FBN1: variants seen among roughly 807,000 people sequenced by gnomAD.
FBN1 encodes the protein fibrillin-1.
A neutral mutation model predicts 365.1 loss-of-function variants in FBN1; 29 were observed. The ratio of observed to expected loss-of-function variants is 0.08; its 90% confidence interval spans 0.06 to 0.11. FBN1 has a LOEUF of 0.11. FBN1 is among the 10% of genes least tolerant of loss of function. The pLI is 1.00. For synonymous variants in FBN1, 1,210 were observed against 1,270.5 expected, an observed-to-expected ratio of 0.95 and a Z score of 1.01; for missense variants, 2,476 against 3,703.2, an observed-to-expected ratio of 0.67 and a Z score of 8.60.
chr15:48,417,158 G>A (rs1360854944), intron 63 of FBN1, among the ~76,000 whole-genome samples: 3 of 151,542 alleles, frequency 2.0e-5, no homozygotes, highest in African/African-American at 7.3e-5. Context: ...TTAAGCTGGT[G>A]CTTCCTTTCT....
intron 17 of FBN1, 115 bp downstream of exon 17, chr15:48,503,672 C>G: frequency 7.3e-7 from 1 of 1,371,382 alleles, no homozygotes; most frequent in Admixed American, 1.8e-5. Flanking sequence ...CCCAAGAAGG[C>G]ACATGGCGTA....
chr15:48,498,411 C>A (rs1340180178), intron 18 of FBN1, among the ~76,000 whole-genome samples: 4 of 152,134 alleles, frequency 2.6e-5, no homozygotes, highest in Non-Finnish European at 5.9e-5. Flanking sequence ...ATAAAATAAT[C>A]CCTTCCTCTT....
At chr15:48,453,290 C>CAAAAAAAAAAAAAA (rs748356141) in intron 44 of FBN1, among the ~76,000 whole-genome samples, 3 of 32,892 alleles carry the variant, frequency 9.1e-5, no homozygotes, top group Non-Finnish European at 1.5e-4. Flanking sequence ...AAAAATAAAA[C>CAAAAAAAAAAAAAA]AAACAAAAAA....
At chr15:48,494,356 G>T in intron 22 of FBN1, 102 bp from the exon 23 acceptor site, 1 of 861,126 alleles carries the variant, frequency 1.2e-6, no homozygotes, top group Non-Finnish European at 2.0e-6. Context: ...AGATGACCTG[G>T]AACATGAAGT....
At chr15:48,589,377 T>C (rs996127129) in intron 6 of FBN1, among the ~76,000 whole-genome samples, 8 of 152,130 alleles carry the variant, frequency 5.3e-5, no homozygotes, top group Admixed American at 6.5e-5. Context: ...TGCTTGTTCA[T>C]ACCACATATG....
At chr15:48,533,524 A>G (rs925368541) in intron 8 of FBN1, among the ~76,000 whole-genome samples, 1 of 152,232 alleles carries the variant, frequency 6.6e-6, no homozygotes, top group Non-Finnish European at 1.5e-5. Flanking sequence ...CTAAATGTAA[A>G]TATAAAAATT....
intron 2 of FBN1, among the ~76,000 whole-genome samples, chr15:48,617,508 A>G (rs894137229): frequency 6.6e-6 from 1 of 152,204 alleles, no homozygotes; most frequent in African/African-American, 2.4e-5. Context: ...CCAATAGTTT[A>G]TAGGGGAAAG....
intron 8 of FBN1, among the ~76,000 whole-genome samples, chr15:48,527,998 C>T (rs2043929850): frequency 6.6e-6 from 1 of 152,172 alleles, no homozygotes; most frequent in Non-Finnish European, 1.5e-5. Context: ...TGTCAAAGAG[C>T]CTACAGGATT....
Position 48,559,342 on chromosome 15 carries a change from G to C in FBN1, c.539-21534C>G, listed in dbSNP as rs146277865. Among the ~76,000 whole-genome samples the C allele has an allele frequency of 1.9e-4, 29 of 152,260 alleles. No homozygotes were observed. The East Asian group carries it at 5.6e-3, about 29-fold the overall frequency. On this transcript the variant is annotated intron_variant, in intron 6 of 65. Transcript: ENST00000316623. Reference sequence around the variant, plus strand: ...GCTTGATCCAATCCTCAAGGCTCCAGGCACTTTCAGCATCAGCAGAGAGCT... The same window carrying C: ...GCTTGATCCAATCCTCAAGGCTCCACGCACTTTCAGCATCAGCAGAGAGCT...
chr15:48,621,727 G>A lies in FBN1; in HGVS notation c.165-8635C>T, dbSNP rs7179503. On this transcript the variant is annotated intron_variant, in intron 2 of 65. Coordinates refer to ENST00000316623, the MANE Select transcript of FBN1 (RefSeq NM_000138.5). ...TCATTGGTTGGGCACGATGGCTCACGCCTGTAATCCCAGTACTTTCGGAGG... is the reference window on the plus strand; with the variant it reads ...TCATTGGTTGGGCACGATGGCTCACACCTGTAATCCCAGTACTTTCGGAGG... Among the ~76,000 whole-genome samples the A allele has an allele frequency of 6.5e-3, 994 of 152,148 alleles. 15 individuals are homozygous for A. Among genetic ancestry groups the A allele is most frequent in the African/African-American group, 0.023 (951 of 41,504 alleles).
intron 43 of FBN1, among the ~76,000 whole-genome samples, chr15:48,459,727 T>C (rs2043266753): frequency 6.6e-6 from 1 of 152,250 alleles, no homozygotes; most frequent in Non-Finnish European, 1.5e-5. Context: ...TTGTGTTCTC[T>C]GCTTCATTTA....
chr15:48,533,999 T>A (rs1287216738), intron 8 of FBN1, 81 bp downstream of exon 8: 2 of 1,576,570 alleles, frequency 1.3e-6, no homozygotes, highest in East Asian at 2.3e-5. Context: ...TTAGGAATAA[T>A]TTGCAAACAA....
chr15:48,464,172 T>A, intron 40 of FBN1, 151 bp from the exon 41 acceptor site: 2 of 757,370 alleles, frequency 2.6e-6, no homozygotes, highest in South Asian at 3.2e-5. Context: ...ATCCGTGTCC[T>A]CTCTCTGTGT....
intron 6 of FBN1, among the ~76,000 whole-genome samples, chr15:48,550,143 A>G (rs1049873955): frequency 6.6e-6 from 1 of 152,228 alleles, no homozygotes; most frequent in Non-Finnish European, 1.5e-5. Context: ...AGTTAGACAC[A>G]TCACTCTCTG....
intron 6 of FBN1, among the ~76,000 whole-genome samples, chr15:48,567,998 TAAGAAAGAAAGAAAGAAAGAAAGAAAGA>T (rs55984910): frequency 1.8e-5 from 1 of 56,534 alleles, no homozygotes; most frequent in Non-Finnish European, 3.0e-5. Flanking sequence ...AGTATACAGA[TAAGAAAGAAAGAAAGAAAGAAAGAAAGA>T]AAGAAAGAAA....
intron 5 of FBN1, among the ~76,000 whole-genome samples, chr15:48,598,909 G>A (rs1025963473): frequency 1.4e-4 from 21 of 152,186 alleles, no homozygotes; most frequent in Admixed American, 9.2e-4. Flanking sequence ...TTCCCATGCT[G>A]TTCCCATAAC....
chr15:48,564,133 G>A (rs2044243280), intron 6 of FBN1, among the ~76,000 whole-genome samples: 1 of 152,132 alleles, frequency 6.6e-6, no homozygotes, highest in Admixed American at 6.5e-5. Context: ...ATGGGAGGCA[G>A]GCATGCAGAA....
intron 8 of FBN1, among the ~76,000 whole-genome samples, chr15:48,532,420 ATGTG>A (rs1195525174): frequency 3.3e-5 from 5 of 151,906 alleles, no homozygotes; most frequent in Non-Finnish European, 1.5e-5. Flanking sequence ...TCATATATAT[ATGTG>A]TGTGTGTATA....
At chr15:48,605,685 C>A (rs990775170) in intron 4 of FBN1, among the ~76,000 whole-genome samples, 1 of 152,108 alleles carries the variant, frequency 6.6e-6, no homozygotes, top group Admixed American at 6.5e-5. Context: ...CCAGCCTGGG[C>A]AGCATGGCAA....
Sources: gnomAD v4.1 joint callset for allele counts (sites outside exome capture counted in the v4.1 genomes callset) on GRCh38, gnomAD v4.1.1 for gene constraint, MANE v1.5 for transcripts, NCBI Gene and HGNC (gene_info 2026-07-23, HGNC 2026-07-21) for gene names.